The following GRM3 variants were observed in gnomAD, a reference collection of about 807,000 sequenced individuals.
GRM3 encodes glutamate metabotropic receptor 3.
GRM3 carries 26 observed loss-of-function variants against 70.5 expected under a neutral mutation model. The observed-to-expected ratio is 0.37, with a 90% CI of 0.27 to 0.51. The LOEUF (loss-of-function observed/expected upper bound fraction) is 0.51. Among genes scored for constraint, GRM3 ranks in the 20% least tolerant of loss-of-function variants. GRM3 has a pLI of 0.93. For synonymous variants in GRM3, 443 were observed against 434.9 expected (o/e 1.02, Z -0.23); for missense variants, 859 against 1,123.8 (o/e 0.76, Z 3.37).
intron 4 of GRM3, among the ~76,000 whole-genome samples, chr7:86,843,524 T>C (rs969001135): frequency 6.6e-6 from 1 of 152,222 alleles, no homozygotes; most frequent in African/African-American, 2.4e-5. Flanking sequence ...CAACTAACCA[T>C]TCTCAGATAG....
intron 2 of GRM3, 53 bp downstream of exon 2, chr7:86,765,666 G>T (rs1391587528): frequency 6.7e-7 from 1 of 1,484,872 alleles, no homozygotes; most frequent in Non-Finnish European, 9.2e-7. Flanking sequence ...GCTTTTATGT[G>T]TTGGGGGAAC....
chr7:86,655,515 C>T (rs1584141549), intron 1 of GRM3, among the ~76,000 whole-genome samples: 1 of 150,854 alleles, frequency 6.6e-6, no homozygotes, highest in South Asian at 2.1e-4. Flanking sequence ...AACAACAAAC[C>T]CTAACTTGCA....
intron 5 of GRM3, among the ~76,000 whole-genome samples, chr7:86,852,437 T>A (rs545001932): frequency 1.8e-4 from 27 of 152,250 alleles, no homozygotes; most frequent in Admixed American, 5.2e-4. Context: ...AAGTCTCTTG[T>A]TAGAAATTCA....
At position 86,838,909 on chromosome 7, in the gene GRM3, A is replaced by T; in HGVS notation, c.1395A>T (p.Arg465=). Residue 465 remains arginine (R), a synonymous_variant, in exon 4 of 6, where the codon CGA becomes CGT. Coordinates refer to ENST00000361669, the MANE Select transcript of GRM3 (RefSeq NM_000840.3). The part of the protein sequence containing the change: ...KFDTFGDGMG[R]YNVFNFQNVG... Reference sequence around the variant, plus strand: ...ACACTTTTGGAGATGGAATGGGGCGATACAACGTGTTCAATTTCCAAAATG... The same window carrying T: ...ACACTTTTGGAGATGGAATGGGGCGTTACAACGTGTTCAATTTCCAAAATG... 4 of 1,613,764 alleles carry T rather than the reference A, an allele frequency of 2.5e-6. No homozygotes were observed. The highest frequency in any genetic ancestry group is 2.5e-6 in the Non-Finnish European group (3 of 1,179,710).
chr7:86,651,707 C>T (rs923882400), intron 1 of GRM3, among the ~76,000 whole-genome samples: 1 of 152,100 alleles, frequency 6.6e-6, no homozygotes. Context: ...GGTAGCCAGA[C>T]CATACCTAAC....
At chr7:86,645,273 G>A (rs558891653) in intron 1 of GRM3, among the ~76,000 whole-genome samples, 2 of 152,172 alleles carry the variant, frequency 1.3e-5, no homozygotes, top group Non-Finnish European at 2.9e-5. Context: ...GTGGATACGG[G>A]CGGTTTCATG....
At chr7:86,824,395 G>T (rs1182933799) in intron 3 of GRM3, among the ~76,000 whole-genome samples, 1 of 152,188 alleles carries the variant, frequency 6.6e-6, no homozygotes, top group Non-Finnish European at 1.5e-5. Flanking sequence ...TGAGATATCA[G>T]ATCCCATCAT....
intron 3 of GRM3, among the ~76,000 whole-genome samples, chr7:86,829,708 C>T (rs530395915): frequency 9.2e-5 from 14 of 152,130 alleles, no homozygotes; most frequent in African/African-American, 2.2e-4. Flanking sequence ...GTACAGTTTG[C>T]GGCACCTGAA....
chr7:86,854,718 A>G (rs112497799), intron 5 of GRM3, among the ~76,000 whole-genome samples: 22 of 152,300 alleles, frequency 1.4e-4, no homozygotes, highest in Non-Finnish European at 2.9e-4. Flanking sequence ...AGCTGTTTCA[A>G]TAGAAGTGGT....
At chr7:86,691,589 C>A (rs1333492247) in intron 1 of GRM3, among the ~76,000 whole-genome samples, 1 of 152,142 alleles carries the variant, frequency 6.6e-6, no homozygotes, top group Non-Finnish European at 1.5e-5. Context: ...ACTTAACCCC[C>A]AAAGCAACAG....
chr7:86,696,984 G>A (rs921012511), intron 1 of GRM3, among the ~76,000 whole-genome samples: 17 of 152,076 alleles, frequency 1.1e-4, no homozygotes, highest in African/African-American at 2.9e-4. Flanking sequence ...ATCCTATTGG[G>A]AATATGGACG....
intron 5 of GRM3, among the ~76,000 whole-genome samples, chr7:86,855,087 C>T (rs1428013925): frequency 6.6e-6 from 1 of 152,194 alleles, no homozygotes; most frequent in Non-Finnish European, 1.5e-5. Flanking sequence ...CACCCACACA[C>T]ATAAGCAAAC....
intron 1 of GRM3, among the ~76,000 whole-genome samples, chr7:86,680,924 G>A (rs1482069466): frequency 6.6e-6 from 1 of 152,060 alleles, no homozygotes; most frequent in African/African-American, 2.4e-5. Flanking sequence ...CCCAAATCAA[G>A]AGAAACTAAG....
chr7:86,786,803 C>A lies in GRM3; in HGVS notation c.1011C>A (p.Phe337Leu). 6.2e-7 allele frequency: 1 copy of A among 1,614,216 alleles called. No homozygotes were observed. The highest frequency in any genetic ancestry group is 1.1e-5 in the South Asian group (1 of 91,086). The change falls in exon 3 of 6, where the codon TTC becomes TTA. Residue 337 changes from phenylalanine to leucine, a missense_variant. Physicochemically the swap from Phe to Leu is conservative, Grantham distance 22. Transcript: ENST00000361669. The surrounding 1 kb of genome is among the most constrained non-coding windows in gnomAD (Gnocchi z 6.0). ...SQPVRQFDRYFQSLNPYNNHR... is the reference protein window; with the variant it reads ...SQPVRQFDRYLQSLNPYNNHR... ...CTGTCCGCCAGTTCGACCGCTACTTCCAGAGCCTCAACCCCTACAACAACC... is the reference window on the plus strand; with the variant it reads ...CTGTCCGCCAGTTCGACCGCTACTTACAGAGCCTCAACCCCTACAACAACC...
At chr7:86,661,135 T>G (rs756871538) in intron 1 of GRM3, among the ~76,000 whole-genome samples, 1 of 152,006 alleles carries the variant, frequency 6.6e-6, no homozygotes, top group Non-Finnish European at 1.5e-5. Flanking sequence ...ATGGGCTTCC[T>G]TGGCTTCCCT....
intron 3 of GRM3, among the ~76,000 whole-genome samples, chr7:86,810,693 G>A (rs887600698): frequency 1.3e-5 from 2 of 151,938 alleles, no homozygotes; most frequent in Non-Finnish European, 2.9e-5. Context: ...AGAGAATCAG[G>A]AGATGTGAGG....
At chr7:86,726,748 A>G (rs1268580839) in intron 1 of GRM3, among the ~76,000 whole-genome samples, 1 of 152,222 alleles carries the variant, frequency 6.6e-6, no homozygotes, top group Non-Finnish European at 1.5e-5. Context: ...AAGTCCCATT[A>G]ACTTCGCATT....
At chr7:86,679,542 G>A (rs1384878223) in intron 1 of GRM3, among the ~76,000 whole-genome samples, 1 of 151,924 alleles carries the variant, frequency 6.6e-6, no homozygotes, top group East Asian at 1.9e-4. Flanking sequence ...TACTCACATG[G>A]GAAAATAAAA....
chr7:86,712,606 T>G (rs1040698807), intron 1 of GRM3, among the ~76,000 whole-genome samples: 13 of 152,032 alleles, frequency 8.6e-5, no homozygotes, highest in Non-Finnish European at 1.9e-4. Flanking sequence ...ACTGTACATT[T>G]GTATCCATCA....
Sources: gnomAD v4.1 joint callset for allele counts (sites outside exome capture counted in the v4.1 genomes callset) on GRCh38, gnomAD v4.1.1 for gene constraint, Gnocchi (gnomAD v3.1) non-coding constraint, MANE v1.5 for transcripts, NCBI Gene and HGNC (gene_info 2026-07-23, HGNC 2026-07-21) for gene names.